Variants in WDR7 observed in about 807,000 individuals in gnomAD.
WDR7 encodes WD repeat domain 7, also known as WD repeat-containing protein 7.
A neutral mutation model predicts 169.4 loss-of-function variants in WDR7; 46 were observed. The observed-to-expected ratio is 0.27, with a 90% confidence interval of 0.21 to 0.35. The LOEUF (loss-of-function observed/expected upper bound fraction) is 0.35, where lower values mean the gene tolerates loss of function less well. Among genes scored for constraint, WDR7 ranks in the 10% least tolerant of loss-of-function variants. WDR7 has a pLI of 1.00. For synonymous variants in WDR7, 612 were observed against 666.8 expected (o/e 0.92, Z 1.27); for missense variants, 1,534 against 1,859.3 (o/e 0.83, Z 3.22).
At chr18:56,811,288 A>C (rs750033299) in intron 19 of WDR7, among the ~76,000 whole-genome samples, 63 of 152,098 alleles carry the variant, frequency 4.1e-4, no homozygotes, top group Non-Finnish European at 7.5e-4. Context: ...GCTAGTACTA[A>C]AATTGCTGGG....
intron 26 of WDR7, among the ~76,000 whole-genome samples, chr18:56,994,025 T>C (rs2047859373): frequency 6.6e-6 from 1 of 150,722 alleles, no homozygotes; most frequent in Non-Finnish European, 1.5e-5. Context: ...TCTTTTTTTT[T>C]TTTTTTCTTC....
At chr18:56,879,613 A>T (rs542068021) in intron 20 of WDR7, among the ~76,000 whole-genome samples, 6 of 152,260 alleles carry the variant, frequency 3.9e-5, no homozygotes, top group East Asian at 1.9e-4. Context: ...TAAAATTTTT[A>T]AAAAATTACT....
At chr18:56,816,266 G>T in intron 20 of WDR7, 122 bp downstream of exon 20, 1 of 783,454 alleles carries the variant, frequency 1.3e-6, no homozygotes, top group Non-Finnish European at 1.9e-6. Context: ...TACTGATGGT[G>T]TATTTAGTTT....
At chr18:56,737,513 A>T (rs955873817) in intron 14 of WDR7, among the ~76,000 whole-genome samples, 1 of 152,204 alleles carries the variant, frequency 6.6e-6, no homozygotes, top group Non-Finnish European at 1.5e-5. Context: ...AAGTGGAAAA[A>T]TGACCAGGAT....
chr18:56,781,837 T>TA (rs1304412574), intron 19 of WDR7, 181 bp downstream of exon 19: 1 of 684,170 alleles, frequency 1.5e-6, no homozygotes, highest in Non-Finnish European at 2.0e-6. Flanking sequence ...GAACTTGCTT[T>TA]AAAAAACAAA....
chr18:56,886,575 G>A (rs2046199378), intron 21 of WDR7, among the ~76,000 whole-genome samples: 1 of 151,994 alleles, frequency 6.6e-6, no homozygotes, highest in Non-Finnish European at 1.5e-5. Context: ...TAAATAAAAA[G>A]GTATTCAGGC....
intron 17 of WDR7, among the ~76,000 whole-genome samples, chr18:56,777,995 T>G (rs2044265429): frequency 1.3e-5 from 2 of 152,234 alleles, no homozygotes; most frequent in South Asian, 4.1e-4. Context: ...TGTTAAAATT[T>G]AGCTCATGAA....
chr18:56,733,800 T>G (rs768811804), intron 14 of WDR7, among the ~76,000 whole-genome samples: 3 of 152,140 alleles, frequency 2.0e-5, no homozygotes, highest in Non-Finnish European at 4.4e-5. Flanking sequence ...TGACATGTAT[T>G]TTTTTCTTTA....
At chr18:56,868,101 T>C (rs1415468794) in intron 20 of WDR7, among the ~76,000 whole-genome samples, 2 of 152,186 alleles carry the variant, frequency 1.3e-5, no homozygotes, top group Non-Finnish European at 2.9e-5. Context: ...TGCTCCTTTA[T>C]TTCTACTTAA....
chr18:56,674,754 C>G (rs2025208309), intron 2 of WDR7, among the ~76,000 whole-genome samples: 1 of 152,156 alleles, frequency 6.6e-6, no homozygotes, highest in Admixed American at 6.6e-5. Context: ...AATCTAAGGT[C>G]ATGAAGATTT....
chr18:56,726,481 G>A (rs2026458412), intron 13 of WDR7, among the ~76,000 whole-genome samples: 3 of 152,180 alleles, frequency 2.0e-5, no homozygotes, highest in African/African-American at 7.2e-5. Flanking sequence ...AAGAATGCCT[G>A]TGATTTTTGC....
chr18:56,884,706 C>G (rs111635276), intron 21 of WDR7, among the ~76,000 whole-genome samples: 2,265 of 152,258 alleles, frequency 0.015, 60 homozygotes, highest in African/African-American at 0.05. Context: ...CTTTCTCTAC[C>G]TGCCCTGATA....
intron 13 of WDR7, among the ~76,000 whole-genome samples, chr18:56,726,350 C>G (rs1302254254): frequency 6.6e-6 from 1 of 152,098 alleles, no homozygotes; most frequent in Non-Finnish European, 1.5e-5. Context: ...TGTAGTTCTC[C>G]TTGAAGAGGT....
intron 12 of WDR7, among the ~76,000 whole-genome samples, chr18:56,717,090 A>G (rs546217308): frequency 9.2e-4 from 140 of 152,306 alleles, no homozygotes; most frequent in African/African-American, 3.2e-3. Context: ...AATAGCCACA[A>G]TATGTACAAG....
At chr18:56,941,981 G>A (rs2047040955) in intron 25 of WDR7, among the ~76,000 whole-genome samples, 1 of 152,146 alleles carries the variant, frequency 6.6e-6, no homozygotes, top group South Asian at 2.1e-4. Flanking sequence ...AGAATAAGTG[G>A]GTAAATAATG....
At chr18:56,669,718 A>G (rs1198013661) in intron 1 of WDR7, among the ~76,000 whole-genome samples, 1 of 152,146 alleles carries the variant, frequency 6.6e-6, no homozygotes, top group Non-Finnish European at 1.5e-5. Context: ...TAAAGTTAAC[A>G]GATTATTCTA....
intron 19 of WDR7, among the ~76,000 whole-genome samples, chr18:56,792,918 C>G (rs1310603909): frequency 6.6e-6 from 1 of 152,120 alleles, no homozygotes; most frequent in Admixed American, 6.5e-5. Flanking sequence ...TTTTATTTCT[C>G]TGTAACTCCT....
chr18:56,990,177 C>G (rs2047789982), intron 26 of WDR7, among the ~76,000 whole-genome samples: 1 of 152,186 alleles, frequency 6.6e-6, no homozygotes, highest in Non-Finnish European at 1.5e-5. Context: ...GAGCTGAAGA[C>G]CCAAGAATTC....
chr18:56,853,048 A>G (rs1344912548), intron 20 of WDR7, among the ~76,000 whole-genome samples: 1 of 152,234 alleles, frequency 6.6e-6, no homozygotes, highest in East Asian at 1.9e-4. Flanking sequence ...TGAAGGATTC[A>G]GGCAAAATAC....
Sources: allele counts gnomAD v4.1 joint callset (sites outside exome capture counted in the v4.1 genomes callset), GRCh38; gene constraint gnomAD v4.1.1; transcripts MANE v1.5; gene names NCBI Gene and HGNC (gene_info 2026-07-23, HGNC 2026-07-21).